SERPINF1: variants seen among roughly 807,000 people sequenced by gnomAD.
SERPINF1 encodes the protein serpin family F member 1.
SERPINF1 carries 29 observed loss-of-function variants against 37.3 expected under a neutral mutation model. That is an observed-to-expected ratio of 0.78 (90% confidence interval 0.58 to 1.06). The LOEUF is 1.06. Among genes scored for constraint, SERPINF1 ranks in the 50% least tolerant of loss-of-function variants. The probability of loss-of-function intolerance (pLI) is 0.00; values close to 1 mark genes in which losing one functional copy is unlikely to be tolerated. For synonymous variants in SERPINF1, 281 were observed against 227.9 expected, an observed-to-expected ratio of 1.23 and a Z score of -2.10; for missense variants, 553 against 532.2, an observed-to-expected ratio of 1.04 and a Z score of -0.38.
At chr17:1,773,016 G>A (rs1907839861) in intron 5 of SERPINF1, among the ~76,000 whole-genome samples, 1 of 152,116 alleles carries the variant, frequency 6.6e-6, no homozygotes, top group Non-Finnish European at 1.5e-5. Flanking sequence ...GACATCAGAA[G>A]GGGCTTGGAA....
chr17:1,771,852 T>G lies in SERPINF1; in HGVS notation c.440-20T>G. On this transcript the variant is annotated intron_variant, in intron 4 of 7. Coordinates refer to ENST00000254722, the MANE Select transcript of SERPINF1 (RefSeq NM_002615.7). ...TGTCGTCGAGTCTCATACGCTAACC[T>G]CTGCTCCGCCTCTTCTCAGAGCTGC... The G allele has an allele frequency of 6.2e-7, 1 of 1,607,944 alleles. No individual in the cohort carries two copies. The highest frequency in any genetic ancestry group is 8.5e-7 in the Non-Finnish European group (1 of 1,179,324).
In SERPINF1 at chr17:1,777,270, G is replaced by A; in HGVS notation, c.1081G>A (p.Gly361Ser). 6.2e-7 allele frequency: 1 copy of A among 1,614,132 alleles called. No homozygotes were observed. Among genetic ancestry groups the A allele is most frequent in the Non-Finnish European group, 8.5e-7 (1 of 1,180,024 alleles). The change falls in exon 8 of 8, where the codon GGC becomes AGC. Residue 361 changes from glycine to serine, a missense_variant. Physicochemically the swap from Gly to Ser is moderately conservative, Grantham distance 56 (BLOSUM62 0). Coordinates refer to ENST00000254722, the MANE Select transcript of SERPINF1 (RefSeq NM_002615.7). ...IKLTQVEHRA[G>S]FEWNEDGAGT... ...GCTGACTCAGGTGGAACACCGGGCT[G>A]GCTTTGAGTGGAACGAGGATGGGGC...
rs533571714 is a variant in SERPINF1 at position 1,776,092 on chromosome 17, G to A, written c.787-440G>A. Among the ~76,000 whole-genome samples, 5 of 152,312 alleles carry A rather than the reference G, an allele frequency of 3.3e-5. No individual in the cohort carries two copies. In the East Asian group the frequency reaches 9.7e-4, roughly 29 times the overall value. ...TGTTCAAAGGAGGCTTTTGCTCTTG[G>A]TGGGTGGATGGGGTGAAGTCTCCAA... On this transcript the variant is annotated intron_variant, in intron 6 of 7. Coordinates refer to ENST00000254722, the MANE Select transcript of SERPINF1 (RefSeq NM_002615.7).
intron 2 of SERPINF1, among the ~76,000 whole-genome samples, chr17:1,767,786 C>T (rs1907474661): frequency 6.6e-6 from 1 of 152,256 alleles, no homozygotes; most frequent in Non-Finnish European, 1.5e-5. Flanking sequence ...ACCCTTACCT[C>T]AGTCTTTGCT....
rs539584593 is a variant in SERPINF1 at position 1,776,854 on chromosome 17, C to G, written c.997+112C>G. ...GGGCTCCACAGGCTTGTAGGGGGGC[C>G]GTGGATGAGTCCTTAATCCTCATCG... is the stretch of plus-strand genomic sequence containing the variant. On this transcript the variant is annotated intron_variant, in intron 7 of 7. Coordinates refer to ENST00000254722, the MANE Select transcript of SERPINF1 (RefSeq NM_002615.7). The G allele has an allele frequency of 3.1e-6, 3 of 977,518 alleles. 1 individual carries two copies. The African/African-American group carries it at 4.8e-5, about 16-fold the overall frequency. 60.6% of individuals were successfully genotyped at this position (977,518 alleles called of 1,614,324 possible).
intron 4 of SERPINF1, 34 bp from the exon 5 acceptor site, chr17:1,771,838 C>T (rs370478492): frequency 6.2e-7 from 1 of 1,601,140 alleles, no homozygotes; most frequent in African/African-American, 1.3e-5. Flanking sequence ...GTCGTCGAGT[C>T]TCATACGCTA....
At chr17:1,766,363 C>T (rs2151204904) in intron 1 of SERPINF1, 1 of 152,284 alleles carries the variant, frequency 6.6e-6, no homozygotes, top group East Asian at 1.9e-4. Flanking sequence ...TGAGACAAGC[C>T]TGATGAACGT....
In SERPINF1 at chr17:1,771,042, A is replaced by G; in HGVS notation, c.297A>G (p.Arg99=). The part of the protein sequence containing the change: ...LSALSLGAEQ[R]TESIIHRALY... Reference sequence around the variant, plus strand: ...TGTCTCTGGCAGGAGCGGAGCAGCGAACAGAATCCATCATTCACCGGGCTC... The same window carrying G: ...TGTCTCTGGCAGGAGCGGAGCAGCGGACAGAATCCATCATTCACCGGGCTC... The change falls in exon 4 of 8, where the codon CGA becomes CGG. Residue 99 remains arginine, a synonymous_variant. Transcript: ENST00000254722. 6.2e-7 allele frequency: 1 copy of G among 1,614,056 alleles called. No individual in the cohort carries two copies. The highest frequency in any genetic ancestry group is 1.7e-5 in the Admixed American group (1 of 59,994).
rs1341686685 is a variant in SERPINF1, at chr17:1,776,641, A to G, written c.896A>G (p.His299Arg). 2 of 1,614,052 alleles carry G rather than the reference A, an allele frequency of 1.2e-6. No homozygotes were observed. The highest frequency in any genetic ancestry group is 1.3e-5 in the African/African-American group (1 of 75,006). ...IEESLTSEFI[H>R]DIDRELKTVQ... ...GAGAGCCTCACCTCCGAGTTCATTCATGACATAGACCGAGAACTGAAGACC... is the reference window on the plus strand; with the variant it reads ...GAGAGCCTCACCTCCGAGTTCATTCGTGACATAGACCGAGAACTGAAGACC... Residue 299 changes from histidine (H) to arginine (R), a missense_variant, in exon 7 of 8, where the codon CAT (histidine) becomes CGT (arginine). Transcript: ENST00000254722.
chr17:1,773,057 G>C (rs1296305150), intron 5 of SERPINF1, among the ~76,000 whole-genome samples: 1 of 152,186 alleles, frequency 6.6e-6, no homozygotes, highest in Non-Finnish European at 1.5e-5. Context: ...GCCCAGCATG[G>C]AGTCTGGGTC....
At chr17:1,767,055 C>CG (rs1907431690) in intron 2 of SERPINF1, 61 bp downstream of exon 2, 1 of 1,447,700 alleles carries the variant, frequency 6.9e-7, no homozygotes, top group Non-Finnish European at 9.4e-7. Flanking sequence ...GCAGGCAGCA[C>CG]GGGAAACAGG....
At chr17:1,776,441 G>C (rs541458996) in intron 6 of SERPINF1, 91 bp from the exon 7 acceptor site, 14 of 1,172,492 alleles carry the variant, frequency 1.2e-5, no homozygotes, top group Non-Finnish European at 1.8e-5. Context: ...CCAGGGCCCC[G>C]TCACGGGAGA....
Position 1,771,960 on chromosome 17 carries a change from C to G in SERPINF1, c.528C>G (p.Asp176Glu), listed in dbSNP as rs1907769172. 1 of 1,613,792 alleles carries G rather than the reference C, an allele frequency of 6.2e-7. No homozygotes were observed. The highest frequency in any genetic ancestry group is 1.1e-5 in the South Asian group (1 of 91,068). The part of the protein sequence containing the change: ...PRVLTGNPRL[D>E]LQEINNWVQA... ...TCCTGACGGGCAACCCTCGCTTGGA[C>G]CTGCAAGAGATCAACAACTGGGTGC... is the stretch of plus-strand genomic sequence containing the variant. The change falls in exon 5 of 8, where the codon GAC becomes GAG. Residue 176 changes from aspartate (D) to glutamate (E), a missense_variant. Transcript: ENST00000254722.
chr17:1,776,223 G>A (rs1241341930), intron 6 of SERPINF1, among the ~76,000 whole-genome samples: 1 of 152,168 alleles, frequency 6.6e-6, no homozygotes, highest in Non-Finnish European at 1.5e-5. Flanking sequence ...TGGACTTTGG[G>A]AGAAAATAAA....
chr17:1,767,839 C>T (rs755246877), intron 2 of SERPINF1, among the ~76,000 whole-genome samples: 10 of 152,216 alleles, frequency 6.6e-5, no homozygotes, highest in Non-Finnish European at 1.3e-4. Context: ...TTCTACAGGG[C>T]CATGTGGCCA....
At position 1,771,795 on chromosome 17, in the gene SERPINF1, C is replaced by A. The variant is rs181863444; in HGVS notation, c.440-77C>A. 4.8e-6 allele frequency: 7 copies of A among 1,452,490 alleles called. No homozygotes were observed. The African/African-American group carries it at 9.7e-5, about 20-fold the overall frequency. 90.0% of individuals were successfully genotyped at this position (1,452,490 alleles called of 1,614,324 possible). On this transcript the variant is annotated intron_variant, in intron 4 of 7. Transcript: ENST00000254722. ...GCCTGCTGAGCGCTAAACCAGAACC[C>A]GAGCCTGGCAGGCTCTCAAAGACGG...
intron 4 of SERPINF1, 127 bp from the exon 5 acceptor site, chr17:1,771,745 G>A: frequency 2.3e-6 from 2 of 886,648 alleles, no homozygotes; most frequent in Non-Finnish European, 1.8e-6. Context: ...GCAAGTCACA[G>A]GAAGATGCTG....
At position 1,771,135 on chromosome 17, in the gene SERPINF1, T is replaced by C. The variant is rs8074840; in HGVS notation, c.390T>C (p.Thr130=). 0.31 allele frequency: 495,985 copies of C among 1,613,536 alleles called. 79,292 individuals carry two copies. The highest frequency in any genetic ancestry group is 0.41 in the East Asian group (18,293 of 44,840). ...GTYKELLDTV[T]APQKNLKSAS... is the part of the protein sequence containing the mutation. Reference sequence around the variant, plus strand: ...ATAAGGAGCTCCTTGACACGGTCACTGCCCCCCAGAAGAACCTCAAGAGTG... The same window carrying C: ...ATAAGGAGCTCCTTGACACGGTCACCGCCCCCCAGAAGAACCTCAAGAGTG... Residue 130 remains threonine, a synonymous_variant, in exon 4 of 8, where the codon ACT becomes ACC. Coordinates refer to ENST00000254722, the MANE Select transcript of SERPINF1 (RefSeq NM_002615.7).
intron 3 of SERPINF1, chr17:1,770,445 G>C: frequency 1.6e-5 from 4 of 247,030 alleles, no homozygotes; most frequent in African/African-American, 2.4e-5. Flanking sequence ...GCTCACTACA[G>C]AATAGTCTTT....
Sources: gnomAD v4.1 joint callset for allele counts (sites outside exome capture counted in the v4.1 genomes callset) on GRCh38, gnomAD v4.1.1 for gene constraint, MANE v1.5 for transcripts, NCBI Gene and HGNC (gene_info 2026-07-23, HGNC 2026-07-21) for gene names.